The following MSI2 variants were observed in gnomAD, a reference collection of about 807,000 sequenced individuals.
The protein encoded by MSI2 is RNA-binding protein Musashi homolog 2.
A neutral mutation model predicts 45.6 loss-of-function variants in MSI2; 17 were observed. The ratio of observed to expected loss-of-function variants is 0.37; its 90% CI spans 0.26 to 0.56. MSI2 has a LOEUF of 0.56. Ranked by LOEUF, MSI2 falls within the 20% of genes least tolerant of loss-of-function variation. The probability of loss-of-function intolerance (pLI) is 0.77; values close to 1 mark genes in which losing one functional copy is unlikely to be tolerated. For synonymous variants in MSI2, 156 were observed against 158.2 expected, an observed-to-expected ratio of 0.99 and a Z score of 0.11; for missense variants, 293 against 444.2, an observed-to-expected ratio of 0.66 and a Z score of 3.06.
chr17:57,352,999 C>G (rs1163139001), intron 5 of MSI2, among the ~76,000 whole-genome samples: 1 of 152,210 alleles, frequency 6.6e-6, no homozygotes, highest in Non-Finnish European at 1.5e-5. Flanking sequence ...TTAATCGGTT[C>G]TCTGCTCTGC....
At chr17:57,350,471 C>T (rs557731748) in intron 5 of MSI2, among the ~76,000 whole-genome samples, 166 of 152,138 alleles carry the variant, frequency 1.1e-3, no homozygotes, top group Non-Finnish European at 1.8e-3. Flanking sequence ...CTTTGGAGAC[C>T]GCCCATTGCC....
At chr17:57,417,434 C>T (rs1422096129) in intron 6 of MSI2, among the ~76,000 whole-genome samples, 1 of 152,174 alleles carries the variant, frequency 6.6e-6, no homozygotes, top group East Asian at 1.9e-4. Flanking sequence ...AGGCAGTTTA[C>T]ATCTGGATGC....
At chr17:57,515,617 C>A (rs2143970387) in intron 6 of MSI2, among the ~76,000 whole-genome samples, 1 of 152,264 alleles carries the variant, frequency 6.6e-6, no homozygotes, top group Admixed American at 6.5e-5. Context: ...GTAGGGAATG[C>A]AGAGCTGTAT....
intron 10 of MSI2, among the ~76,000 whole-genome samples, chr17:57,646,112 T>C (rs186843498): frequency 4.6e-5 from 7 of 152,318 alleles, no homozygotes; most frequent in Non-Finnish European, 1.0e-4. Flanking sequence ...CTGATGCTCA[T>C]TGACAGTCTT....
intron 7 of MSI2, among the ~76,000 whole-genome samples, chr17:57,575,574 C>G (rs1418379057): frequency 6.6e-6 from 1 of 152,174 alleles, no homozygotes; most frequent in Admixed American, 6.5e-5. Flanking sequence ...TCTTTCTTCT[C>G]ACTGTCCTCT....
intron 6 of MSI2, among the ~76,000 whole-genome samples, chr17:57,438,578 G>A (rs1462859372): frequency 6.6e-6 from 1 of 152,164 alleles, no homozygotes; most frequent in Non-Finnish European, 1.5e-5. Flanking sequence ...TCCGTGACAA[G>A]GAGGGGTGGC....
intron 5 of MSI2, among the ~76,000 whole-genome samples, chr17:57,306,532 A>C (rs1037301243): frequency 6.6e-6 from 1 of 152,054 alleles, no homozygotes; most frequent in Non-Finnish European, 1.5e-5. Flanking sequence ...AACTTGCTCA[A>C]ATGAGGATGA....
downstream of MSI2, among the ~76,000 whole-genome samples, chr17:57,687,470 G>T (rs1913908960): frequency 6.6e-6 from 1 of 151,884 alleles, no homozygotes; most frequent in African/African-American, 2.4e-5. Context: ...ACAGAGAAAA[G>T]AATGAATATT....
chr17:57,319,517 A>C (rs1302689941), intron 5 of MSI2, among the ~76,000 whole-genome samples: 1 of 152,208 alleles, frequency 6.6e-6, no homozygotes, highest in African/African-American at 2.4e-5. Flanking sequence ...AGATTCAATC[A>C]AATATGGTAG....
intron 6 of MSI2, among the ~76,000 whole-genome samples, chr17:57,510,116 G>A (rs1194641811): frequency 2.0e-5 from 3 of 152,014 alleles, no homozygotes; most frequent in African/African-American, 7.3e-5. Flanking sequence ...TCTGCCCCAC[G>A]AGGTTTCCCC....
chr17:57,578,674 C>A (rs1458228709), intron 7 of MSI2, among the ~76,000 whole-genome samples: 1 of 152,010 alleles, frequency 6.6e-6, no homozygotes, highest in Non-Finnish European at 1.5e-5. Flanking sequence ...AGCTTTGGGG[C>A]AGTTTGTGCT....
rs560744921 is a variant in MSI2 at position 57,571,132 on chromosome 17, G to A, written c.455-25736G>A. 3.9e-5 allele frequency among the ~76,000 whole-genome samples: 6 copies of A among 152,294 alleles called. No individual in the cohort carries two copies. In the East Asian group the frequency reaches 1.2e-3, roughly 29 times the overall value. Reference sequence around the variant, plus strand: ...GATGCTGTGCCAAGTTTCATTTCTGGAGCTGTGGTGGCTCTAACTAGGAAT... The same window carrying A: ...GATGCTGTGCCAAGTTTCATTTCTGAAGCTGTGGTGGCTCTAACTAGGAAT... On this transcript the variant is annotated intron_variant, in intron 7 of 13. Transcript: ENST00000284073.
rs545777821 is a variant in MSI2, at chr17:57,325,119, G to A, written c.312+62927G>A. On this transcript the variant is annotated intron_variant, in intron 5 of 13. Transcript: ENST00000284073. The stretch of plus-strand genomic sequence containing the variant: ...TGGATAAAGAAAATGTGGTATATAT[G>A]CACTGTGGAATACTACCCAGCCATA... 3.3e-5 allele frequency among the ~76,000 whole-genome samples: 5 copies of A among 152,278 alleles called. No homozygotes were observed. The East Asian group carries it at 7.7e-4, about 24-fold the overall frequency.
intron 6 of MSI2, among the ~76,000 whole-genome samples, chr17:57,502,636 T>TATATATATATATATAGAG: frequency 2.1e-5 from 2 of 96,934 alleles, no homozygotes; most frequent in Non-Finnish European, 4.3e-5. Context: ...TATATATATA[T>TATATATATATATATAGAG]AGTCATCATT....
chr17:57,333,562 T>A (rs140587345), intron 5 of MSI2, among the ~76,000 whole-genome samples: 1 of 152,044 alleles, frequency 6.6e-6, no homozygotes, highest in East Asian at 1.9e-4. Context: ...ATCAGCCTCC[T>A]GAGCAGCTTG....
At chr17:57,299,435 ACTC>A (rs1911254765) in intron 5 of MSI2, among the ~76,000 whole-genome samples, 1 of 151,954 alleles carries the variant, frequency 6.6e-6, no homozygotes, top group African/African-American at 2.4e-5. Context: ...GAGACACGTA[ACTC>A]CTCCTTTCAC....
chr17:57,510,399 T>TG (rs1159923642), intron 6 of MSI2, among the ~76,000 whole-genome samples: 1 of 123,366 alleles, frequency 8.1e-6, no homozygotes, highest in Non-Finnish European at 1.8e-5. Flanking sequence ...GCACTCCTCT[T>TG]GTTTTTTTTT....
intron 10 of MSI2, among the ~76,000 whole-genome samples, chr17:57,651,164 A>C (rs1019298562): frequency 3.3e-5 from 5 of 152,058 alleles, no homozygotes; most frequent in Admixed American, 6.5e-5. Context: ...AACATGGCAT[A>C]CTTCATCTGG....
At chr17:57,348,676 T>C (rs1394299203) in intron 5 of MSI2, among the ~76,000 whole-genome samples, 1 of 152,154 alleles carries the variant, frequency 6.6e-6, no homozygotes, top group African/African-American at 2.4e-5. Flanking sequence ...CGTGCAGATG[T>C]GGGCAACATG....
Sources: allele counts gnomAD v4.1 joint callset (sites outside exome capture counted in the v4.1 genomes callset), GRCh38; gene constraint gnomAD v4.1.1; transcripts MANE v1.5; gene names NCBI Gene and HGNC (gene_info 2026-07-23, HGNC 2026-07-21).